Variants in SGSM1 observed in about 807,000 individuals in gnomAD.
The protein encoded by SGSM1 is small G protein signaling modulator 1.
A neutral mutation model predicts 133.8 loss-of-function variants in SGSM1; 73 were observed. That is an observed-to-expected ratio of 0.55 (90% CI 0.45 to 0.66). The LOEUF is 0.66. SGSM1 is among the 30% of genes least tolerant of loss of function. The probability of loss-of-function intolerance (pLI) is 0.00; values close to 1 mark genes in which losing one functional copy is unlikely to be tolerated. For synonymous variants in SGSM1, 563 were observed against 573.0 expected, an observed-to-expected ratio of 0.98 and a Z score of 0.25; for missense variants, 1,213 against 1,448.1, an observed-to-expected ratio of 0.84 and a Z score of 2.64.
rs1934230385 is a variant in SGSM1 at position 24,927,071 on chromosome 22, A to G, written c.*2797A>G. 4 of 152,176 alleles carry G rather than the reference A, an allele frequency of 2.6e-5. No homozygotes were observed. Among genetic ancestry groups the G allele is most frequent in the Admixed American group, 2.0e-4 (3 of 15,270 alleles). 9.4% of individuals were successfully genotyped at this position (152,176 alleles called of 1,614,324 possible). The stretch of plus-strand genomic sequence containing the variant: ...CAAATGACCCAAAAAGTAGTGGTTT[A>G]AAACAGCCATGTATTTACCTCATAA... On this transcript the variant is annotated 3_prime_UTR_variant, in exon 25 of 25. Coordinates refer to ENST00000400358, the MANE Select transcript of SGSM1 (RefSeq NM_001098497.3).
At chr22:24,851,956 G>T (rs1458921743) in intron 5 of SGSM1, among the ~76,000 whole-genome samples, 2 of 152,314 alleles carry the variant, frequency 1.3e-5, no homozygotes, top group African/African-American at 4.8e-5. Context: ...CCCCATGAAG[G>T]TTTCTGGGCC....
In SGSM1 at chr22:24,854,946, C is replaced by T. The variant is rs767494220; in HGVS notation, c.456-50C>T. 24 of 1,466,378 alleles carry T rather than the reference C, an allele frequency of 1.6e-5. No individual in the cohort carries two copies. The Admixed American group carries it at 2.4e-4, about 14-fold the overall frequency. The allele number at this position is 1,466,378 out of a possible 1,614,324, so 90.8% of individuals were successfully genotyped here. ...ATTGAACTCTCATCTGTGGATTGTGCGTCCTCTGCTGGTCTCCATCCAAAC... is the reference window on the plus strand; with the variant it reads ...ATTGAACTCTCATCTGTGGATTGTGTGTCCTCTGCTGGTCTCCATCCAAAC... On this transcript the variant is annotated intron_variant, in intron 5 of 24. Transcript: ENST00000400358.
At chr22:24,867,224 C>A (rs1365973153) in intron 10 of SGSM1, 64 bp downstream of exon 10, 1 of 1,502,342 alleles carries the variant, frequency 6.7e-7, no homozygotes, top group African/African-American at 1.4e-5. Flanking sequence ...TGTCTCCATC[C>A]CTGCCTATTC....
chr22:24,857,407 CAA>C (rs35981293), intron 8 of SGSM1, among the ~76,000 whole-genome samples: 2 of 120,406 alleles, frequency 1.7e-5, no homozygotes, highest in East Asian at 2.5e-4. Flanking sequence ...GACTCTGTCT[CAA>C]AAAAAAAAAA....
In SGSM1 at chr22:24,855,391, C is replaced by T. The variant is rs1478408258; in HGVS notation, c.630C>T (p.His210=). The stretch of plus-strand genomic sequence containing the variant: ...AGAGGCACCGCATCCACAGCTCCCA[C>T]GTGCGGCAGGACTCGCCCACCAAGC... ...LVQRHRIHSS[H]VRQDSPTKRP... The change falls in exon 7 of 25, where the codon CAC becomes CAT. Residue 210 remains histidine, a synonymous_variant. Coordinates refer to ENST00000400358, the MANE Select transcript of SGSM1 (RefSeq NM_001098497.3). 4 of 1,613,510 alleles carry T rather than the reference C, an allele frequency of 2.5e-6. No individual in the cohort carries two copies. Among genetic ancestry groups the T allele is most frequent in the East Asian group, 2.2e-5 (1 of 44,868 alleles).
intron 2 of SGSM1, among the ~76,000 whole-genome samples, chr22:24,831,090 G>A (rs533243386): frequency 1.3e-4 from 20 of 152,042 alleles, no homozygotes; most frequent in Admixed American, 3.9e-4. Context: ...TGGCCCAGAC[G>A]GGTTCACGCT....
At chr22:24,920,119 C>A in intron 24 of SGSM1, 126 bp downstream of exon 24, 1 of 998,466 alleles carries the variant, frequency 1.0e-6, no homozygotes, top group Non-Finnish European at 1.4e-6. Flanking sequence ...GGGCTCTGCA[C>A]ACTTCTTATG....
At chr22:24,923,899 G>A (rs1402854831) in intron 24 of SGSM1, among the ~76,000 whole-genome samples, 2 of 152,210 alleles carry the variant, frequency 1.3e-5, no homozygotes, top group Non-Finnish European at 2.9e-5. Flanking sequence ...TGGGATTACA[G>A]CCATGAGCCA....
At chr22:24,837,880 A>G (rs1929557175) in intron 2 of SGSM1, among the ~76,000 whole-genome samples, 1 of 152,228 alleles carries the variant, frequency 6.6e-6, no homozygotes, top group South Asian at 2.1e-4. Flanking sequence ...GCTACAAACT[A>G]ATGATTAATG....
Position 24,903,345 on chromosome 22 carries a change from A to G in SGSM1, c.2735+1388A>G, listed in dbSNP as rs531142957. 5.7e-4 allele frequency among the ~76,000 whole-genome samples: 86 copies of G among 151,522 alleles called. 1 individual carries two copies. The highest frequency in any genetic ancestry group is 5.0e-3 in the South Asian group (24 of 4,776). ...TACCTCAGCCTCCCGAGTAGCTGGG[A>G]CTATAGGTGCACGCTGCCAGGCCCG... is the stretch of plus-strand genomic sequence containing the variant. On this transcript the variant is annotated intron_variant, in intron 20 of 24. Coordinates refer to ENST00000400358, the MANE Select transcript of SGSM1 (RefSeq NM_001098497.3).
Position 24,898,341 on chromosome 22 carries a change from A to C in SGSM1, c.2392A>C (p.Ile798Leu). The change falls in exon 19 of 25, where the codon ATC becomes CTC. Residue 798 changes from isoleucine (I) to leucine (L), a missense_variant. Coordinates refer to ENST00000400358, the MANE Select transcript of SGSM1 (RefSeq NM_001098497.3). ...ANESMDEFMS[I>L]TGSLDMALPE... ...CGAGAGCATGGACGAGTTCATGTCC[A>C]TCACGGGCAGCCTGGACATGGCCCT... 1 of 1,613,924 alleles carries C rather than the reference A, an allele frequency of 6.2e-7. No homozygotes were observed. Among genetic ancestry groups the C allele is most frequent in the Non-Finnish European group, 8.5e-7 (1 of 1,179,870 alleles).
chr22:24,898,532 T>C lies in SGSM1; in HGVS notation c.2583T>C (p.Pro861=). Residue 861 remains proline (P), a synonymous_variant, in exon 19 of 25, where the codon CCT becomes CCC. Transcript: ENST00000400358. ...AVTTSANEVS[P]VSSSGVTYSP... is the part of the protein sequence containing the mutation. ...CTACTTCTGCCAACGAGGTGTCCCCTGTGTCTTCCAGCGGCGTCACCTACT... is the reference window on the plus strand; with the variant it reads ...CTACTTCTGCCAACGAGGTGTCCCCCGTGTCTTCCAGCGGCGTCACCTACT... The C allele has an allele frequency of 1.9e-6, 3 of 1,610,764 alleles. No homozygotes were observed. Among genetic ancestry groups the C allele is most frequent in the Non-Finnish European group, 2.5e-6 (3 of 1,178,032 alleles).
At chr22:24,830,381 C>G (rs1480126897) in intron 2 of SGSM1, among the ~76,000 whole-genome samples, 1 of 152,186 alleles carries the variant, frequency 6.6e-6, no homozygotes, top group Non-Finnish European at 1.5e-5. Context: ...GGCTGTGTGA[C>G]CTTAGGAGAG....
intron 2 of SGSM1, chr22:24,813,974 G>A (rs1927911895): frequency 6.6e-6 from 1 of 152,268 alleles, no homozygotes; most frequent in Non-Finnish European, 1.5e-5. Flanking sequence ...CCTTGTTCCA[G>A]TTCTGACCCC....
At chr22:24,909,950 C>T (rs1030831120) in intron 21 of SGSM1, among the ~76,000 whole-genome samples, 1 of 152,110 alleles carries the variant, frequency 6.6e-6, no homozygotes, top group South Asian at 2.1e-4. Context: ...GTCCAAATGT[C>T]CATCAAATTA....
Position 24,893,622 on chromosome 22 carries a change from C to T in SGSM1, c.1953+9C>T, listed in dbSNP as rs147057288. 1,404 of 1,547,752 alleles carry T rather than the reference C, an allele frequency of 9.1e-4. 7 individuals carry two copies. The East Asian group carries it at 0.015, about 17-fold the overall frequency. On this transcript the variant is annotated intron_variant, in intron 17 of 24. Transcript: ENST00000400358. ...CAACCATCAGCAATGAGGTGATGGG[C>T]GGCTGGCCTCGGGGAGCGCGGGGGC...
chr22:24,820,539 AAGGTCCAC>A (rs1305253803), intron 2 of SGSM1, among the ~76,000 whole-genome samples: 8 of 152,152 alleles, frequency 5.3e-5, no homozygotes, highest in Non-Finnish European at 8.8e-5. Flanking sequence ...TAATACTCTA[AAGGTCCAC>A]AGGCTCTTAT....
At chr22:24,923,071 G>T (rs1476773441) in intron 24 of SGSM1, among the ~76,000 whole-genome samples, 5 of 152,144 alleles carry the variant, frequency 3.3e-5, no homozygotes, top group Admixed American at 2.6e-4. Context: ...TTGGGAGGTG[G>T]AGGTTATAGT....
intron 19 of SGSM1, among the ~76,000 whole-genome samples, chr22:24,900,663 CT>C (rs1933125900): frequency 6.6e-6 from 1 of 152,188 alleles, no homozygotes; most frequent in Non-Finnish European, 1.5e-5. Flanking sequence ...TCCCAAAGTG[CT>C]GGGATTACAG....
Sources: gnomAD v4.1 joint callset for allele counts (sites outside exome capture counted in the v4.1 genomes callset) on GRCh38, gnomAD v4.1.1 for gene constraint, MANE v1.5 for transcripts, NCBI Gene and HGNC (gene_info 2026-07-23, HGNC 2026-07-21) for gene names.